LBR: variants seen among roughly 807,000 people sequenced by gnomAD.
LBR encodes lamin B receptor, also known as delta(14)-sterol reductase LBR.
Under a neutral mutation model 74.3 loss-of-function variants are expected in LBR, and 28 were observed. That is an observed-to-expected ratio of 0.38 (90% confidence interval 0.28 to 0.52). The LOEUF (loss-of-function observed/expected upper bound fraction) is 0.52, where lower values mean the gene tolerates loss of function less well. Among genes scored for constraint, LBR ranks in the 20% least tolerant of loss-of-function variants. The pLI is 0.89. For synonymous variants in LBR, 228 were observed against 269.3 expected (o/e 0.85, Z 1.50); for missense variants, 717 against 760.3 (o/e 0.94, Z 0.67).
chr1:225,417,234 A>G (rs138964969), intron 6 of LBR, among the ~76,000 whole-genome samples: 114 of 152,304 alleles, frequency 7.5e-4, no homozygotes, highest in African/African-American at 2.7e-3. Flanking sequence ...CTACCCTCCT[A>G]TCACTGGCAT....
Position 225,423,888 on chromosome 1 carries a change from TGATAAACCAA to T in LBR, c.165+13_165+22del, listed in dbSNP as rs772628395. ...TTTCCCACTTACTGTAAACACACTCTGATAAACCAAAGGAGCTCTTACCTTAATATCATTC... is the reference window on the plus strand; with the variant it reads ...TTTCCCACTTACTGTAAACACACTCTAGGAGCTCTTACCTTAATATCATTC... On this transcript the variant is annotated intron_variant, in intron 2 of 13. Coordinates refer to ENST00000272163, the MANE Select transcript of LBR (RefSeq NM_002296.4). 6.2e-7 allele frequency: 1 copy of T among 1,606,098 alleles called. No individual in the cohort carries two copies. The highest frequency in any genetic ancestry group is 1.3e-5 in the African/African-American group (1 of 74,890).
In LBR at chr1:225,419,304, G is replaced by A; in HGVS notation, c.599C>T (p.Thr200Ile). ...CTCCAAGTCCTTTGCCCGGATGGGG[G>A]TCACTTCAAAGGTTCTCACTGCCAG... ...KELAVRTFEV[T>I]PIRAKDLEFG... The change falls in exon 5 of 14, where the codon ACC (threonine) becomes ATC (isoleucine). Residue 200 changes from threonine to isoleucine, a missense_variant. Thr to Ile is a moderately conservative substitution (Grantham distance 89). Transcript: ENST00000272163. The A allele has an allele frequency of 1.2e-6, 2 of 1,614,184 alleles. No homozygotes were observed. The highest frequency in any genetic ancestry group is 1.7e-6 in the Non-Finnish European group (2 of 1,180,026).
intron 6 of LBR, among the ~76,000 whole-genome samples, chr1:225,415,601 TC>T (rs1384655322): frequency 6.6e-6 from 1 of 152,106 alleles, no homozygotes; most frequent in Non-Finnish European, 1.5e-5. Flanking sequence ...ACAGCCACGC[TC>T]CCTGCCACAC....
In LBR at chr1:225,424,174, C is replaced by T. The variant is rs2096134590; in HGVS notation, c.-14-85G>A. On this transcript the variant is annotated intron_variant, in intron 1 of 13. Transcript: ENST00000272163. ...TTTCCACAGGCTGATCACTAAAATA[C>T]AACTTTCCAGAATTGACTGGTCAGG... 39 of 1,051,436 alleles carry T rather than the reference C, an allele frequency of 3.7e-5. No individual in the cohort carries two copies. In the South Asian group the frequency reaches 4.8e-4, roughly 13 times the overall value. 65.1% of individuals were successfully genotyped at this position (1,051,436 alleles called of 1,614,324 possible). A position where few individuals can be genotyped will look rare whatever the true frequency, so the allele number is the denominator to read the frequency against.
At position 225,402,375 on chromosome 1, in the gene LBR, T is replaced by G. The variant is rs1177009851; in HGVS notation, c.*928A>C. The G allele has an allele frequency of 6.6e-6, 1 of 152,276 alleles. No individual in the cohort carries two copies. Among genetic ancestry groups the G allele is most frequent in the African/African-American group, 2.4e-5 (1 of 41,446 alleles). The allele number at this position is 152,276 out of a possible 1,614,324, so 9.4% of individuals were successfully genotyped here. A position where few individuals can be genotyped will look rare whatever the true frequency, so the allele number is the denominator to read the frequency against. On this transcript the variant is annotated 3_prime_UTR_variant, in exon 14 of 14. Transcript: ENST00000272163. Reference sequence around the variant, plus strand: ...AAATATTGATGTTACTCCAAAAATATATACTTATTCTATTTTTTTTCTATT... The same window carrying G: ...AAATATTGATGTTACTCCAAAAATAGATACTTATTCTATTTTTTTTCTATT...
chr1:225,413,113 T>C (rs16844853), intron 7 of LBR, among the ~76,000 whole-genome samples: 5,791 of 152,312 alleles, frequency 0.038, 148 homozygotes, highest in Middle Eastern at 0.061. Context: ...TATTTATACT[T>C]AACCAAGTTG....
chr1:225,414,907 G>A (rs373172212), intron 7 of LBR, among the ~76,000 whole-genome samples: 7 of 152,216 alleles, frequency 4.6e-5, no homozygotes, highest in South Asian at 2.1e-4. Context: ...TGTGTGTGAC[G>A]AATATTCAAG....
intron 1 of LBR, chr1:225,427,256 C>A (rs1455723937): frequency 6.6e-6 from 1 of 152,194 alleles, no homozygotes; most frequent in Non-Finnish European, 1.5e-5. Context: ...GTCATTAGAA[C>A]ATTTTTCTGA....
At chr1:225,413,318 C>T (rs1334728875) in intron 7 of LBR, among the ~76,000 whole-genome samples, 1 of 152,208 alleles carries the variant, frequency 6.6e-6, no homozygotes, top group Admixed American at 6.5e-5. Flanking sequence ...CCCTGTGACG[C>T]TCCACAGAAC....
Position 225,412,488 on chromosome 1 carries a change from T to C in LBR, c.1050A>G (p.Lys350=). The C allele has an allele frequency of 6.2e-7, 1 of 1,614,112 alleles. No individual in the cohort carries two copies. Among genetic ancestry groups the C allele is most frequent in the Non-Finnish European group, 8.5e-7 (1 of 1,180,020 alleles). The change falls in exon 8 of 14, where the codon AAA becomes AAG. Residue 350 remains lysine, a synonymous_variant. Transcript: ENST00000272163. ...LSVYLYMRSL[K]APRNDLSPAS... ...CAGGCGACAGGTCATTCCGGGGCGC[T>C]TTCAAAGAGCGCATGTAGAGATACA...
chr1:225,422,125 A>C lies in LBR; in HGVS notation c.318T>G (p.Ile106Met). 1 of 1,614,138 alleles carries C rather than the reference A, an allele frequency of 6.2e-7. No homozygotes were observed. Among genetic ancestry groups the C allele is most frequent in the Non-Finnish European group, 8.5e-7 (1 of 1,180,028 alleles). The change falls in exon 3 of 14, where the codon ATT becomes ATG. Residue 106 changes from isoleucine (I) to methionine (M), a missense_variant. Coordinates refer to ENST00000272163, the MANE Select transcript of LBR (RefSeq NM_002296.4). ...CTTCCACTTCCCTCCTTGCTTCCTT[A>C]ATGTCGGCCTGGTGGGAAGCAGAAG... is the stretch of plus-strand genomic sequence containing the variant. ...RSASASHQADIKEARREVEVK... is the reference protein window; with the variant it reads ...RSASASHQADMKEARREVEVK...
At position 225,415,345 on chromosome 1, in the gene LBR, A is replaced by T; in HGVS notation, c.838-13T>A. 6.7e-7 allele frequency: 1 copy of T among 1,501,952 alleles called. No individual in the cohort carries two copies. The highest frequency in any genetic ancestry group is 9.2e-7 in the Non-Finnish European group (1 of 1,083,806). 93.0% of individuals were successfully genotyped at this position (1,501,952 alleles called of 1,614,324 possible). A position where few individuals can be genotyped will look rare whatever the true frequency, so the allele number is the denominator to read the frequency against. ...TTCCTTCTACAACCTTAAAAGAAAA[A>T]AAATTTACAAATTTACTAAGCACAT... is the stretch of plus-strand genomic sequence containing the variant. On this transcript the variant is annotated splice_polypyrimidine_tract_variant and intron_variant, in intron 6 of 13. Transcript: ENST00000272163.
At position 225,418,007 on chromosome 1, in the gene LBR, A is replaced by C. The variant is rs775806204; in HGVS notation, c.814T>G (p.Phe272Val). ...YLLWFLIQVL[F>V]YLLPIGKVVE... ...ACCTTTCCAATTGGCAGTAGGTAGA[A>C]CAGGACTTGAATCAAAAACCACAGG... Residue 272 changes from phenylalanine to valine, a missense_variant, in exon 6 of 14, where the codon TTC (phenylalanine) becomes GTC (valine). Coordinates refer to ENST00000272163, the MANE Select transcript of LBR (RefSeq NM_002296.4). 1 of 1,614,220 alleles carries C rather than the reference A, an allele frequency of 6.2e-7. No individual in the cohort carries two copies. Among genetic ancestry groups the C allele is most frequent in the East Asian group, 2.2e-5 (1 of 44,886 alleles).
intron 7 of LBR, chr1:225,414,266 C>T (rs763976916): frequency 2.5e-6 from 1 of 398,566 alleles, no homozygotes; most frequent in South Asian, 1.8e-5. Context: ...TTTGGCTTCC[C>T]CTTTAGAACC....
Position 225,402,489 on chromosome 1 carries a change from T to A in LBR, c.*814A>T, listed in dbSNP as rs913117453. ...TTTGGATCAAGAAAAATACCCTTCC[T>A]ATGTTTTAACAGCATCTTCTATACA... On this transcript the variant is annotated 3_prime_UTR_variant, in exon 14 of 14. Transcript: ENST00000272163. The A allele has an allele frequency of 3.9e-5, 6 of 152,752 alleles. No individual in the cohort carries two copies. Among genetic ancestry groups the A allele is most frequent in the Admixed American group, 6.5e-5 (1 of 15,308 alleles). 9.5% of individuals were successfully genotyped at this position (152,752 alleles called of 1,614,324 possible).
chr1:225,414,353 T>A (rs962055542), intron 7 of LBR: 1 of 339,708 alleles, frequency 2.9e-6, no homozygotes, highest in South Asian at 2.3e-5. Flanking sequence ...AATGAAGAAT[T>A]GAAAGGATAA....
At chr1:225,421,196 T>A (rs1346131449) in intron 3 of LBR, among the ~76,000 whole-genome samples, 2 of 152,150 alleles carry the variant, frequency 1.3e-5, no homozygotes, top group Non-Finnish European at 2.9e-5. Flanking sequence ...GTTTTTAAAG[T>A]TTATTAAAAG....
intron 13 of LBR, among the ~76,000 whole-genome samples, chr1:225,403,961 C>T (rs2096086292): frequency 6.7e-6 from 1 of 148,456 alleles, no homozygotes; most frequent in South Asian, 2.2e-4. Context: ...CTCCCCCTGA[C>T]ACCCCAGCTC....
Position 225,406,780 on chromosome 1 carries a change from A to C in LBR, c.1367T>G (p.Leu456Arg). 4 of 1,614,246 alleles carry C rather than the reference A, an allele frequency of 2.5e-6. No individual in the cohort carries two copies. The highest frequency in any genetic ancestry group is 3.4e-6 in the Non-Finnish European group (4 of 1,180,036). Residue 456 changes from leucine (L) to arginine (R), a missense_variant, in exon 11 of 14, where the codon CTG becomes CGG. Transcript: ENST00000272163. ...DIIHDGFGFM[L>R]AFGDLVWVPF... ...AACCCACACCAAGTCTCCAAAAGCC[A>C]GCATGAATCCAAATCCATCGTGGAT... is the stretch of plus-strand genomic sequence containing the variant.
Sources: allele counts gnomAD v4.1 joint callset (sites outside exome capture counted in the v4.1 genomes callset), GRCh38; gene constraint gnomAD v4.1.1; transcripts MANE v1.5; gene names NCBI Gene and HGNC (gene_info 2026-07-23, HGNC 2026-07-21).